The following JHY variants were observed in gnomAD, a reference collection of about 807,000 sequenced individuals.
JHY encodes the protein junctional cadherin complex regulator, also known as jhy protein homolog.
JHY carries 69 observed loss-of-function variants against 78.0 expected under a neutral mutation model. The observed-to-expected ratio is 0.88, with a 90% CI of 0.73 to 1.08. The LOEUF is 1.08. Among genes scored for constraint, JHY ranks in the 50% least tolerant of loss-of-function variants. The pLI, the probability that JHY is intolerant of heterozygous loss-of-function variation, is 0.00. For synonymous variants in JHY, 368 were observed against 342.6 expected, an observed-to-expected ratio of 1.07 and a Z score of -0.82; for missense variants, 944 against 927.8, an observed-to-expected ratio of 1.02 and a Z score of -0.23.
chr11:122,959,534 A>G lies in JHY; in HGVS notation c.*89A>G. 1.6e-6 allele frequency: 2 copies of G among 1,219,808 alleles called. No homozygotes were observed. Among genetic ancestry groups the G allele is most frequent in the Non-Finnish European group, 2.3e-6 (2 of 864,904 alleles). The allele number at this position is 1,219,808 out of a possible 1,614,324, so 75.6% of individuals were successfully genotyped here. A position where few individuals can be genotyped will look rare whatever the true frequency, so the allele number is the denominator to read the frequency against. On this transcript the variant is annotated 3_prime_UTR_variant, in exon 9 of 9. Transcript: ENST00000227349. ...AACCACCTTCTCTGCGTTGAGAGTA[A>G]TGGCCTATTATTATCATCTATCTGC...
At position 122,898,936 on chromosome 11, in the gene JHY, G is replaced by C. The variant is rs963147984; in HGVS notation, c.345-4989G>C. ...TCTATGAAAGCACCACATTGTCTCTGCCTCCTCTCCTTTTTACATGCTGTT... is the reference window on the plus strand; with the variant it reads ...TCTATGAAAGCACCACATTGTCTCTCCCTCCTCTCCTTTTTACATGCTGTT... On this transcript the variant is annotated intron_variant, in intron 2 of 8. Coordinates refer to ENST00000227349, the MANE Select transcript of JHY (RefSeq NM_024806.4). This position sits in a 1 kb window ranked among gnomAD's most constrained non-coding sequence, Gnocchi z 4.4. Among the ~76,000 whole-genome samples the C allele has an allele frequency of 1.3e-5, 2 of 152,142 alleles. No individual in the cohort carries two copies. Among genetic ancestry groups the C allele is most frequent in the African/African-American group, 4.8e-5 (2 of 41,428 alleles).
chr11:122,921,985 A>G (rs984133367), intron 3 of JHY, among the ~76,000 whole-genome samples: 7 of 152,158 alleles, frequency 4.6e-5, no homozygotes, highest in African/African-American at 1.2e-4. Flanking sequence ...GGAAAAAAAA[A>G]AGAGAGAGAA....
Position 122,962,093 on chromosome 11 carries a change from T to C in JHY, c.*2648T>C, listed in dbSNP as rs1864327698. Among the ~76,000 whole-genome samples, 2 of 152,246 alleles carry C rather than the reference T, an allele frequency of 1.3e-5. No individual in the cohort carries two copies. The highest frequency in any genetic ancestry group is 4.1e-4 in the South Asian group (2 of 4,832). ...TCCATAGTTTACTACTGAATACAAATGTTAATAAATATTTTTTAGTTTTTA... is the reference window on the plus strand; with the variant it reads ...TCCATAGTTTACTACTGAATACAAACGTTAATAAATATTTTTTAGTTTTTA... On this transcript the variant is annotated 3_prime_UTR_variant, in exon 9 of 9. Transcript: ENST00000227349.
At chr11:122,955,725 T>G (rs926216194) in intron 6 of JHY, among the ~76,000 whole-genome samples, 2 of 152,222 alleles carry the variant, frequency 1.3e-5, no homozygotes, top group Non-Finnish European at 2.9e-5. Context: ...TTGAATATTA[T>G]AAATAGATTA....
chr11:122,930,957 C>G (rs1412825435), intron 4 of JHY, among the ~76,000 whole-genome samples: 1 of 152,130 alleles, frequency 6.6e-6, no homozygotes, highest in Non-Finnish European at 1.5e-5. Context: ...GTTTCTATGT[C>G]TGGTGAGGAT....
At chr11:122,913,943 A>T (rs1353852315) in intron 3 of JHY, among the ~76,000 whole-genome samples, 1 of 152,112 alleles carries the variant, frequency 6.6e-6, no homozygotes, top group Non-Finnish European at 1.5e-5. Context: ...AAAATAAAAA[A>T]GCGGAGGGGG....
intron 2 of JHY, among the ~76,000 whole-genome samples, chr11:122,897,708 A>G (rs1862766631): frequency 6.6e-6 from 1 of 152,208 alleles, no homozygotes; most frequent in Non-Finnish European, 1.5e-5. Flanking sequence ...ATATTATCAT[A>G]CAGAGAAACA....
rs537404056 is a variant in JHY, at chr11:122,921,799, C to A, written c.865-3098C>A. 2.0e-4 allele frequency among the ~76,000 whole-genome samples: 30 copies of A among 152,230 alleles called. No homozygotes were observed. In the South Asian group the frequency reaches 6.0e-3, roughly 31 times the overall value. ...ATTAGTCTGAGACCAACCTGGGCAACATGGTGAAACCCTGTCTCCACTAAA... is the reference window on the plus strand; with the variant it reads ...ATTAGTCTGAGACCAACCTGGGCAAAATGGTGAAACCCTGTCTCCACTAAA... On this transcript the variant is annotated intron_variant, in intron 3 of 8. Coordinates refer to ENST00000227349, the MANE Select transcript of JHY (RefSeq NM_024806.4).
At chr11:122,950,058 T>C (rs190224772) in intron 6 of JHY, among the ~76,000 whole-genome samples, 112 of 152,188 alleles carry the variant, frequency 7.4e-4, no homozygotes, top group African/African-American at 2.6e-3. Context: ...GGTCTCGAAC[T>C]CCTGACCTCA....
intron 2 of JHY, among the ~76,000 whole-genome samples, chr11:122,892,941 C>T (rs774919789): frequency 5.3e-5 from 8 of 152,150 alleles, no homozygotes; most frequent in Admixed American, 2.6e-4. Flanking sequence ...AAAGAAGCAT[C>T]TGAAGTTAGG....
chr11:122,918,349 A>G (rs749556522), intron 3 of JHY, among the ~76,000 whole-genome samples: 2 of 147,138 alleles, frequency 1.4e-5, no homozygotes, highest in Non-Finnish European at 3.0e-5. Context: ...GCATTGGTGC[A>G]TGATAAGTTT....
At chr11:122,943,923 A>G (rs984238040) in intron 5 of JHY, among the ~76,000 whole-genome samples, 15 of 152,188 alleles carry the variant, frequency 9.9e-5, no homozygotes, top group Non-Finnish European at 1.6e-4. Flanking sequence ...TTAAAACTAT[A>G]GGCCAGGTGC....
rs1862786620 is a variant in JHY at position 122,898,728 on chromosome 11, T to C, written c.345-5197T>C. ...TTCCAGAAAGTCCTCACTTTGGCTGTCCAAATGTATTTACATCTTACTAAA... is the reference window on the plus strand; with the variant it reads ...TTCCAGAAAGTCCTCACTTTGGCTGCCCAAATGTATTTACATCTTACTAAA... On this transcript the variant is annotated intron_variant, in intron 2 of 8. Transcript: ENST00000227349. The surrounding 1 kb of genome is among the most constrained non-coding windows in gnomAD (Gnocchi z 4.4). Among the ~76,000 whole-genome samples the C allele has an allele frequency of 6.6e-6, 1 of 152,250 alleles. No homozygotes were observed. The highest frequency in any genetic ancestry group is 2.4e-5 in the African/African-American group (1 of 41,466).
intron 5 of JHY, among the ~76,000 whole-genome samples, chr11:122,940,076 C>G (rs1034129013): frequency 6.6e-6 from 1 of 151,298 alleles, no homozygotes; most frequent in African/African-American, 2.4e-5. Flanking sequence ...TGGTGGCTCA[C>G]ACCTGTAATC....
In JHY at chr11:122,959,522, G is replaced by A; in HGVS notation, c.*77G>A. 7.4e-7 allele frequency: 1 copy of A among 1,357,548 alleles called. No homozygotes were observed. Among genetic ancestry groups the A allele is most frequent in the Non-Finnish European group, 1.0e-6 (1 of 970,160 alleles). The allele number at this position is 1,357,548 out of a possible 1,614,324, so 84.1% of individuals were successfully genotyped here. On this transcript the variant is annotated 3_prime_UTR_variant, in exon 9 of 9. Transcript: ENST00000227349. Reference sequence around the variant, plus strand: ...AAAAGAAACGCCAACCACCTTCTCTGCGTTGAGAGTAATGGCCTATTATTA... The same window carrying A: ...AAAAGAAACGCCAACCACCTTCTCTACGTTGAGAGTAATGGCCTATTATTA...
rs1565319640 is a variant in JHY at position 122,917,876 on chromosome 11, A to AAAAGCAAAGTACAGAGTACTAAG, written c.865-7021_865-7020insAAAGCAAAGTACAGAGTACTAAG. 2.0e-5 allele frequency among the ~76,000 whole-genome samples: 3 copies of AAAAGCAAAGTACAGAGTACTAAG among 151,778 alleles called. No homozygotes were observed. The highest frequency in any genetic ancestry group is 7.3e-5 in the African/African-American group (3 of 41,126). The stretch of plus-strand genomic sequence containing the variant: ...TCTTAAAAATGGCCATTATTCATTT[A>AAAAGCAAAGTACAGAGTACTAAG]GCATATATTTATTTATTTTATTTTA... On this transcript the variant is annotated intron_variant, in intron 3 of 8. Transcript: ENST00000227349. This position sits in a 1 kb window ranked among gnomAD's most constrained non-coding sequence, Gnocchi z 4.1.
Position 122,960,727 on chromosome 11 carries a change from T to C in JHY, c.*1282T>C. ...GCTTATCAACTCAATGAGCAAAACA[T>C]TGCCCAACTAGAAGAGGTGAAGCAG... On this transcript the variant is annotated 3_prime_UTR_variant, in exon 9 of 9. Transcript: ENST00000227349. The C allele has an allele frequency of 2.3e-6, 1 of 444,126 alleles. No individual in the cohort carries two copies. The highest frequency in any genetic ancestry group is 4.4e-5 in the East Asian group (1 of 22,818). The allele number at this position is 444,126 out of a possible 1,614,324, so 27.5% of individuals were successfully genotyped here. A position where few individuals can be genotyped will look rare whatever the true frequency, so the allele number is the denominator to read the frequency against.
At chr11:122,947,893 A>G (rs190414661) in intron 6 of JHY, among the ~76,000 whole-genome samples, 38 of 152,234 alleles carry the variant, frequency 2.5e-4, no homozygotes, top group Non-Finnish European at 1.0e-4. Context: ...CTTCGAAGGC[A>G]AGGGACCCAG....
At chr11:122,899,206 G>A (rs140776010) in intron 2 of JHY, among the ~76,000 whole-genome samples, 23 of 152,266 alleles carry the variant, frequency 1.5e-4, no homozygotes, top group East Asian at 1.3e-3. Context: ...CTGTAGCTTC[G>A]TAAGGGCTCG....
Sources: allele counts gnomAD v4.1 joint callset (sites outside exome capture counted in the v4.1 genomes callset), GRCh38; gene constraint gnomAD v4.1.1; non-coding constraint Gnocchi (gnomAD v3.1); transcripts MANE v1.5; gene names NCBI Gene and HGNC (gene_info 2026-07-23, HGNC 2026-07-21).